SPAG16: variants seen among roughly 807,000 people sequenced by gnomAD.
SPAG16 encodes sperm associated antigen 16.
In SPAG16, 86 loss-of-function variants were observed where a neutral mutation model predicts 80.4. The observed-to-expected ratio is 1.07, with a 90% confidence interval of 0.90 to 1.28. The LOEUF is 1.28. SPAG16 is among the 50% of genes most tolerant of loss of function. The pLI is 0.00. For missense variants in SPAG16, 870 were observed against 765.3 expected, an observed-to-expected ratio of 1.14 and a Z score of -1.61; for synonymous variants, 294 against 265.9, an observed-to-expected ratio of 1.11 and a Z score of -1.03.
chr2:213,373,619 C>T (rs2066750282), intron 8 of SPAG16, among the ~76,000 whole-genome samples: 1 of 152,108 alleles, frequency 6.6e-6, no homozygotes, highest in South Asian at 2.1e-4. Context: ...CAATGTCTTG[C>T]ATGCTACATG....
chr2:214,183,760 G>T (rs2057380014), intron 15 of SPAG16, among the ~76,000 whole-genome samples: 1 of 151,998 alleles, frequency 6.6e-6, no homozygotes, highest in Non-Finnish European at 1.5e-5. Context: ...CAAACTTGCA[G>T]TGAGAGCCTG....
At chr2:213,990,605 A>G (rs1250867894) in intron 12 of SPAG16, among the ~76,000 whole-genome samples, 1 of 152,132 alleles carries the variant, frequency 6.6e-6, no homozygotes. Context: ...AAGAGACAAT[A>G]TATTTACTAT....
chr2:214,401,075 A>T (rs1383853154), intron 15 of SPAG16, among the ~76,000 whole-genome samples: 1 of 152,038 alleles, frequency 6.6e-6, no homozygotes. Flanking sequence ...ATTGATCAGC[A>T]GTAAGGTACA....
chr2:214,175,406 C>T (rs1226822548), intron 15 of SPAG16, among the ~76,000 whole-genome samples: 2 of 150,306 alleles, frequency 1.3e-5, no homozygotes, highest in African/African-American at 4.9e-5. Flanking sequence ...CTTCTGAGTA[C>T]TGTCAACATG....
At chr2:213,950,483 C>T (rs2079696744) in intron 12 of SPAG16, among the ~76,000 whole-genome samples, 1 of 146,944 alleles carries the variant, frequency 6.8e-6, no homozygotes, top group Non-Finnish European at 1.5e-5. Flanking sequence ...CAGGTCACAC[C>T]GCCCTTTAAC....
At chr2:213,786,403 G>GA (rs1405400138) in intron 10 of SPAG16, among the ~76,000 whole-genome samples, 4 of 151,670 alleles carry the variant, frequency 2.6e-5, no homozygotes, top group Admixed American at 6.6e-5. Context: ...TTAGAAGAAA[G>GA]AAAAAAATGG....
chr2:214,404,186 AGATCT>A (rs1285280976), intron 15 of SPAG16, among the ~76,000 whole-genome samples: 1 of 152,228 alleles, frequency 6.6e-6, no homozygotes, highest in Non-Finnish European at 1.5e-5. Context: ...CAGAGTGTAG[AGATCT>A]TAAAAGCCAT....
intron 13 of SPAG16, among the ~76,000 whole-genome samples, chr2:214,103,362 T>A (rs925822489): frequency 6.6e-6 from 1 of 152,166 alleles, no homozygotes; most frequent in African/African-American, 2.4e-5. Context: ...AGCACCTGCA[T>A]TTCACTGAGC....
intron 10 of SPAG16, among the ~76,000 whole-genome samples, chr2:213,515,054 A>C: frequency 6.6e-6 from 1 of 152,324 alleles, no homozygotes; most frequent in Admixed American, 6.5e-5. Context: ...ATTTTTATTC[A>C]AAATAACATG....
chr2:213,492,496 G>A (rs924513110), intron 10 of SPAG16, among the ~76,000 whole-genome samples: 4 of 151,998 alleles, frequency 2.6e-5, no homozygotes, highest in African/African-American at 7.2e-5. Flanking sequence ...CTTGCAGTGA[G>A]CCAAGATCGT....
At chr2:214,094,417 T>G (rs1008202642) in intron 13 of SPAG16, among the ~76,000 whole-genome samples, 5 of 152,132 alleles carry the variant, frequency 3.3e-5, no homozygotes, top group Non-Finnish European at 7.4e-5. Context: ...TACAAAGTCC[T>G]GAAACTCATG....
chr2:214,112,914 C>T (rs534057623), intron 14 of SPAG16, among the ~76,000 whole-genome samples: 1 of 152,216 alleles, frequency 6.6e-6, no homozygotes, highest in Non-Finnish European at 1.5e-5. Flanking sequence ...TTCTTCATAT[C>T]ATCGATGGTC....
At chr2:213,590,474 A>G (rs571783207) in intron 10 of SPAG16, among the ~76,000 whole-genome samples, 1 of 152,178 alleles carries the variant, frequency 6.6e-6, no homozygotes, top group African/African-American at 2.4e-5. Flanking sequence ...TAACCCCATT[A>G]AAAAGTGGGC....
At chr2:213,912,806 C>A (rs545285752) in intron 11 of SPAG16, among the ~76,000 whole-genome samples, 10 of 152,212 alleles carry the variant, frequency 6.6e-5, no homozygotes, top group African/African-American at 2.4e-4. Context: ...AGCTAAGTGG[C>A]CCAGCTGACC....
chr2:214,042,007 T>TATATATATATATACAC (rs1371293247), intron 13 of SPAG16, among the ~76,000 whole-genome samples: 59 of 101,226 alleles, frequency 5.8e-4, no homozygotes, highest in Middle Eastern at 5.3e-3. Context: ...TATATATATA[T>TATATATATATATACAC]ACACACACAC....
chr2:214,184,746 A>G (rs571078074), intron 15 of SPAG16, among the ~76,000 whole-genome samples: 4 of 152,260 alleles, frequency 2.6e-5, no homozygotes, highest in South Asian at 2.1e-4. Flanking sequence ...ATTTATAAGT[A>G]TAATTATTGC....
intron 13 of SPAG16, among the ~76,000 whole-genome samples, chr2:214,032,479 T>C (rs1159482484): frequency 6.6e-6 from 1 of 152,144 alleles, no homozygotes; most frequent in Non-Finnish European, 1.5e-5. Context: ...GCTGAAAATT[T>C]ATGGGCATAT....
At chr2:214,223,799 C>T (rs970226559) in intron 15 of SPAG16, among the ~76,000 whole-genome samples, 1 of 152,006 alleles carries the variant, frequency 6.6e-6, no homozygotes, top group Admixed American at 6.6e-5. Context: ...GTGTGGATGA[C>T]ACAGACATAT....
chr2:214,305,215 A>C (rs1198054788), intron 15 of SPAG16, among the ~76,000 whole-genome samples: 1 of 152,120 alleles, frequency 6.6e-6, no homozygotes, highest in Non-Finnish European at 1.5e-5. Flanking sequence ...TCATTTTTTA[A>C]TGGAGTTCTT....
Sources: gnomAD v4.1 joint callset for allele counts (sites outside exome capture counted in the v4.1 genomes callset) on GRCh38, gnomAD v4.1.1 for gene constraint, MANE v1.5 for transcripts, NCBI Gene and HGNC (gene_info 2026-07-23, HGNC 2026-07-21) for gene names.